Variants in PCDH11X observed in about 807,000 individuals in gnomAD.
PCDH11X encodes the protein protocadherin-11 X-linked.
In PCDH11X, 18 loss-of-function variants were observed where a neutral mutation model predicts 53.3. The ratio of observed to expected loss-of-function variants is 0.34; its 90% CI spans 0.23 to 0.50. PCDH11X has a LOEUF of 0.50. Ranked by LOEUF, PCDH11X falls within the 20% of genes least tolerant of loss-of-function variation. PCDH11X has a pLI of 0.98. For synonymous variants in PCDH11X, 279 were observed against 393.3 expected, an observed-to-expected ratio of 0.71 and a Z score of 3.44; for missense variants, 570 against 1,032.4, an observed-to-expected ratio of 0.55 and a Z score of 6.14.
At chrX:92,096,667 G>A (rs1399236694) in intron 6 of PCDH11X, among the ~76,000 whole-genome samples, 1 of 110,592 alleles carries the variant, frequency 9.0e-6, no homozygotes, top group Non-Finnish European at 1.9e-5. Flanking sequence ...CAAGGCAGTA[G>A]GCAAGAGAGA....
intron 6 of PCDH11X, among the ~76,000 whole-genome samples, chrX:91,889,717 G>A (rs1940389113): frequency 2.7e-5 from 3 of 109,929 alleles, no homozygotes; most frequent in South Asian, 3.9e-4. Flanking sequence ...AACATATGGA[G>A]GCAAAATAGA....
chrX:92,187,033 G>T (rs1603135707), intron 6 of PCDH11X, among the ~76,000 whole-genome samples: 1 of 111,702 alleles, frequency 9.0e-6, no homozygotes, highest in Non-Finnish European at 1.9e-5. Context: ...ATTCAATTTA[G>T]CTTTTAGTAG....
At chrX:92,238,567 CAT>C (rs2067210571) in intron 7 of PCDH11X, among the ~76,000 whole-genome samples, 1 of 111,086 alleles carries the variant, frequency 9.0e-6, no homozygotes, top group African/African-American at 3.3e-5. Context: ...CACAAGGTCT[CAT>C]ATTAATGGCT....
intron 6 of PCDH11X, among the ~76,000 whole-genome samples, chrX:91,971,482 T>C (rs2061959641): frequency 9.1e-6 from 1 of 109,575 alleles, no homozygotes; most frequent in Non-Finnish European, 1.9e-5. Flanking sequence ...GTCTGGAAGA[T>C]AAATTGTTCA....
intron 6 of PCDH11X, among the ~76,000 whole-genome samples, chrX:92,192,066 G>A (rs954490689): frequency 9.0e-6 from 1 of 111,375 alleles, no homozygotes; most frequent in African/African-American, 3.3e-5. Flanking sequence ...CTTATGATAT[G>A]GATCTTGATA....
rs181011543 is a variant in PCDH11X, at chrX:92,204,642, C to T, written c.3114+3187C>T. On this transcript the variant is annotated intron_variant, in intron 7 of 10. Transcript: ENST00000682573. ...TCTGAACTGTTGAAACTGTTCCAAC[C>T]TCTGCCTGTTACCCAGTTCCAAAGT... 3.6e-4 allele frequency among the ~76,000 whole-genome samples: 40 copies of T among 112,319 alleles called. No homozygotes were observed. The East Asian group carries it at 9.9e-3, about 28-fold the overall frequency.
At chrX:92,498,474 C>T (rs796966103) in intron 10 of PCDH11X, among the ~76,000 whole-genome samples, 5 of 110,886 alleles carry the variant, frequency 4.5e-5, no homozygotes, top group South Asian at 3.8e-4. Flanking sequence ...AATTTTGCTA[C>T]ATTTTTATAG....
chrX:92,320,490 T>C (rs963505111), intron 8 of PCDH11X, among the ~76,000 whole-genome samples: 1 of 110,797 alleles, frequency 9.0e-6, no homozygotes, highest in African/African-American at 3.3e-5. Context: ...ATGAAGGATA[T>C]ATGATCCATA....
intron 10 of PCDH11X, among the ~76,000 whole-genome samples, chrX:92,544,177 T>C (rs1482535110): frequency 9.0e-6 from 1 of 111,400 alleles, no homozygotes. Context: ...TGAATTTCCC[T>C]TCTTGAGCAT....
intron 6 of PCDH11X, among the ~76,000 whole-genome samples, chrX:92,070,365 C>A (rs1269722358): frequency 9.0e-6 from 1 of 110,922 alleles, no homozygotes; most frequent in Non-Finnish European, 1.9e-5. Context: ...ACATGAAATC[C>A]CTCAGGTTTT....
intron 7 of PCDH11X, among the ~76,000 whole-genome samples, chrX:92,253,042 GA>G (rs200550368): frequency 9.4e-5 from 10 of 105,898 alleles, no homozygotes; most frequent in Admixed American, 2.0e-4. Flanking sequence ...GGTAAGAAAA[GA>G]AAAAAAAAAG....
At chrX:92,411,339 C>T (rs998311729) in intron 9 of PCDH11X, among the ~76,000 whole-genome samples, 1 of 110,933 alleles carries the variant, frequency 9.0e-6, no homozygotes, top group Admixed American at 9.6e-5. Context: ...ATACATGTGC[C>T]ATGGTGGTTT....
At chrX:91,833,716 A>G in intron 4 of PCDH11X, among the ~76,000 whole-genome samples, 1 of 111,935 alleles carries the variant, frequency 8.9e-6, no homozygotes, top group East Asian at 2.8e-4. Flanking sequence ...TTGATTGTAA[A>G]TAGGAAGATT....
chrX:91,878,447 T>C lies in PCDH11X; in HGVS notation c.2207T>C (p.Met736Thr), dbSNP rs1424994659. The change falls in exon 6 of 11, where the codon ATG (methionine) becomes ACG (threonine). Residue 736 changes from methionine (M) to threonine (T), a missense_variant. Coordinates refer to ENST00000682573, the MANE Select transcript of PCDH11X (RefSeq NM_032968.5). ...CAAGAAACAGGCAACATAACATTGA[T>C]GGAGAAATGTGATGTTACAGACCTT... ...IDQETGNITL[M>T]EKCDVTDLGL... The C allele has an allele frequency of 8.3e-7, 1 of 1,202,457 alleles. No homozygotes were observed. The highest frequency in any genetic ancestry group is 1.8e-5 in the African/African-American group (1 of 55,519).
At chrX:92,443,932 C>A (rs891406668) in intron 9 of PCDH11X, among the ~76,000 whole-genome samples, 1 of 110,557 alleles carries the variant, frequency 9.0e-6, no homozygotes, top group Non-Finnish European at 1.9e-5. Flanking sequence ...TTTATTGTAG[C>A]CTCATAGTGT....
intron 6 of PCDH11X, among the ~76,000 whole-genome samples, chrX:92,078,887 T>A (rs2063814899): frequency 9.0e-6 from 1 of 110,897 alleles, no homozygotes; most frequent in African/African-American, 3.3e-5. Context: ...TATATAGAAT[T>A]GTCATGAATA....
intron 6 of PCDH11X, among the ~76,000 whole-genome samples, chrX:91,923,508 A>T (rs925320686): frequency 1.0e-4 from 11 of 109,505 alleles, no homozygotes; most frequent in African/African-American, 3.7e-4. Context: ...TAGCTTTGGG[A>T]CTCTTGGGCT....
At chrX:92,560,482 A>G (rs1261266242) in intron 10 of PCDH11X, among the ~76,000 whole-genome samples, 1 of 109,469 alleles carries the variant, frequency 9.1e-6, no homozygotes, top group Non-Finnish European at 1.9e-5. Flanking sequence ...TGGAGCAACA[A>G]GCAGGCCCTT....
intron 6 of PCDH11X, among the ~76,000 whole-genome samples, chrX:92,164,583 C>G (rs2065700008): frequency 9.0e-6 from 1 of 111,548 alleles, no homozygotes; most frequent in Non-Finnish European, 1.9e-5. Flanking sequence ...AAAACAAAGG[C>G]TATTGCTTAA....
Sources: allele counts gnomAD v4.1 joint callset (sites outside exome capture counted in the v4.1 genomes callset), GRCh38; gene constraint gnomAD v4.1.1; transcripts MANE v1.5; gene names NCBI Gene and HGNC (gene_info 2026-07-23, HGNC 2026-07-21).